The following FBXO38 variants were observed in gnomAD, a reference collection of about 807,000 sequenced individuals.
FBXO38 encodes F-box protein 38.
Under a neutral mutation model 131.9 loss-of-function variants are expected in FBXO38, and 53 were observed. The observed-to-expected ratio is 0.40, with a 90% CI of 0.32 to 0.51. FBXO38 has a LOEUF of 0.51. Among genes scored for constraint, FBXO38 ranks in the 20% least tolerant of loss-of-function variants. The pLI, the probability that FBXO38 is intolerant of heterozygous loss-of-function variation, is 0.53. For synonymous variants in FBXO38, 452 were observed against 505.6 expected (o/e 0.89, Z 1.42); for missense variants, 1,076 against 1,475.6 (o/e 0.73, Z 4.44).
Position 148,401,351 on chromosome 5 carries a change from T to C in FBXO38, c.263-631T>C, listed in dbSNP as rs112708573. ...GATAGATAGCTTCCTATCAACAGCA[T>C]ACCCTGAGATTGGATCACTCTGGTT... On this transcript the variant is annotated intron_variant, in intron 3 of 21. Transcript: ENST00000340253. Among the ~76,000 whole-genome samples the C allele has an allele frequency of 7.3e-3, 1,111 of 152,268 alleles. 16 individuals carry two copies. Among genetic ancestry groups the C allele is most frequent in the African/African-American group, 0.026 (1,065 of 41,542 alleles).
intron 17 of FBXO38, chr5:148,433,975 G>A (rs1754191102): frequency 3.5e-6 from 1 of 287,908 alleles, no homozygotes; most frequent in Non-Finnish European, 6.5e-6. Flanking sequence ...GATAATTACT[G>A]CCTGATCTGG....
chr5:148,418,889 TTTAA>T (rs752866484), intron 12 of FBXO38, among the ~76,000 whole-genome samples: 14 of 152,234 alleles, frequency 9.2e-5, no homozygotes, highest in Non-Finnish European at 2.1e-4. Flanking sequence ...ACATGTTTGA[TTTAA>T]TTTGTATCTG....
chr5:148,433,234 T>C, intron 15 of FBXO38, 190 bp from the exon 16 acceptor site: 1 of 533,310 alleles, frequency 1.9e-6, no homozygotes, highest in Non-Finnish European at 3.4e-6. Flanking sequence ...GTAGATATGT[T>C]TGAAGTAATG....
In FBXO38 at chr5:148,438,283, C is replaced by A. The variant is rs774738621; in HGVS notation, c.2858-49C>A. On this transcript the variant is annotated intron_variant, in intron 17 of 21. Transcript: ENST00000340253. Reference sequence around the variant, plus strand: ...TTTGTGCCAACAAAAATTAGGCCATCTCTCCAAAGATGATATGTACGGAGC... The same window carrying A: ...TTTGTGCCAACAAAAATTAGGCCATATCTCCAAAGATGATATGTACGGAGC... 5 of 1,553,868 alleles carry A rather than the reference C, an allele frequency of 3.2e-6. No homozygotes were observed. The South Asian group carries it at 5.9e-5, about 18-fold the overall frequency.
rs78970816 is a variant in FBXO38, at chr5:148,421,442, A to T, written c.1619-2556A>T. ...TACACTTTGGGGCAGGTAGTTGTCA[A>T]CCACTAAATATTATATCTGATAATA... On this transcript the variant is annotated intron_variant, in intron 12 of 21. Transcript: ENST00000340253. Among the ~76,000 whole-genome samples the T allele has an allele frequency of 5.6e-3, 854 of 152,324 alleles. 34 individuals carry two copies. The East Asian group carries it at 0.11, about 19-fold the overall frequency.
intron 15 of FBXO38, chr5:148,433,208 G>C (rs1326925896): frequency 1.5e-5 from 7 of 459,518 alleles, no homozygotes; most frequent in African/African-American, 1.4e-4. Flanking sequence ...GCATGAGAAG[G>C]GTTGTTATGT....
In FBXO38 at chr5:148,406,348, C is replaced by T; in HGVS notation, c.822C>T (p.Phe274=). Reference sequence around the variant, plus strand: ...ACTTAGAAATGGTTCGAGTTCCTTTCCTTGGAGGTCTTATCCAACATGTTG... The same window carrying T: ...ACTTAGAAATGGTTCGAGTTCCTTTTCTTGGAGGTCTTATCCAACATGTTG... ...LEHLEMVRVP[F]LGGLIQHVVE... Residue 274 remains phenylalanine, a synonymous_variant, in exon 7 of 22, where the codon TTC becomes TTT. Transcript: ENST00000340253. The T allele has an allele frequency of 1.9e-6, 3 of 1,607,458 alleles. No homozygotes were observed. The highest frequency in any genetic ancestry group is 2.2e-5 in the East Asian group (1 of 44,568).
chr5:148,409,221 T>C lies in FBXO38; in HGVS notation c.962+4T>C, dbSNP rs746189368. On this transcript the variant is annotated splice_donor_region_variant and intron_variant, in intron 8 of 21. Transcript: ENST00000340253. The stretch of plus-strand genomic sequence containing the variant: ...TCATCATTACTGCTGCCCGTAGGTA[T>C]GTTTCCTCTTTGTATTGTGTCTCTC... 2 of 1,566,276 alleles carry C rather than the reference T, an allele frequency of 1.3e-6. No homozygotes were observed. Among genetic ancestry groups the C allele is most frequent in the Admixed American group, 1.7e-5 (1 of 59,898 alleles).
At chr5:148,437,231 G>A in intron 17 of FBXO38, among the ~76,000 whole-genome samples, 1 of 152,252 alleles carries the variant, frequency 6.6e-6, no homozygotes, top group African/African-American at 2.4e-5. Context: ...AGCTTAGTCT[G>A]TAGGTAGTGG....
intron 19 of FBXO38, among the ~76,000 whole-genome samples, 177 bp downstream of exon 19, chr5:148,439,969 AG>A (rs1197326959): frequency 1.3e-5 from 2 of 152,258 alleles, no homozygotes; most frequent in African/African-American, 4.8e-5. Flanking sequence ...AAAACTAAAA[AG>A]CATGTGTATA....
At position 148,409,141 on chromosome 5, in the gene FBXO38, C is replaced by T. The variant is rs1219792124; in HGVS notation, c.886C>T (p.His296Tyr). 5 of 1,611,784 alleles carry T rather than the reference C, an allele frequency of 3.1e-6. No homozygotes were observed. Among genetic ancestry groups the T allele is most frequent in the Non-Finnish European group, 4.2e-6 (5 of 1,178,036 alleles). ...GTCTTTAGGTGGTTTTAGAAATTTG[C>T]ACACTATTGTTCTGGGAGCTTGCAA... ...SWRSGGFRNL[H>Y]TIVLGACKNA... Residue 296 changes from histidine to tyrosine, a missense_variant, in exon 8 of 22, where the codon CAC (histidine) becomes TAC (tyrosine). Coordinates refer to ENST00000340253, the MANE Select transcript of FBXO38 (RefSeq NM_205836.3).
At chr5:148,394,949 G>A (rs763247534) in intron 2 of FBXO38, 45 bp downstream of exon 2, 2 of 1,507,344 alleles carry the variant, frequency 1.3e-6, no homozygotes, top group South Asian at 1.3e-5. Context: ...ATGGATAAGA[G>A]CAAACCCTGA....
At chr5:148,409,070 A>G in intron 7 of FBXO38, 54 bp from the exon 8 acceptor site, 1 of 949,300 alleles carries the variant, frequency 1.1e-6, no homozygotes, top group East Asian at 2.4e-5. Context: ...TAGTATATAA[A>G]TACTTCACTA....
intron 11 of FBXO38, 55 bp downstream of exon 11, chr5:148,416,125 C>A: frequency 1.4e-6 from 2 of 1,413,880 alleles, no homozygotes; most frequent in Non-Finnish European, 9.4e-7. Flanking sequence ...AAAATAAAAA[C>A]AGCCTGTGAT....
intron 7 of FBXO38, among the ~76,000 whole-genome samples, chr5:148,407,293 G>A (rs530015023): frequency 6.6e-6 from 1 of 152,236 alleles, no homozygotes; most frequent in Non-Finnish European, 1.5e-5. Flanking sequence ...CCTGTAGAGA[G>A]GTGCTAAAAG....
intron 2 of FBXO38, among the ~76,000 whole-genome samples, chr5:148,395,829 T>C (rs1220592428): frequency 1.3e-5 from 2 of 152,112 alleles, no homozygotes; most frequent in Non-Finnish European, 2.9e-5. Context: ...ATGGTACTTA[T>C]CATTTCCCTT....
At chr5:148,409,879 T>C (rs1752651030) in intron 8 of FBXO38, among the ~76,000 whole-genome samples, 1 of 152,196 alleles carries the variant, frequency 6.6e-6, no homozygotes, top group Non-Finnish European at 1.5e-5. Context: ...TACAGAATTA[T>C]ACTCTTTGTT....
intron 12 of FBXO38, among the ~76,000 whole-genome samples, chr5:148,419,741 CTTAAAAACAAA>C (rs1295290885): frequency 6.6e-6 from 1 of 152,048 alleles, no homozygotes; most frequent in African/African-American, 2.4e-5. Context: ...GACCCGGAGT[CTTAAAAACAAA>C]TCTTTACATG....
At chr5:148,427,145 C>T (rs748587621) in intron 14 of FBXO38, 68 bp from the exon 15 acceptor site, 174 of 1,506,128 alleles carry the variant, frequency 1.2e-4, no homozygotes, top group Non-Finnish European at 1.4e-4. Context: ...TTTACTCTTG[C>T]GTTTTGTCCA....
Sources: gnomAD v4.1 joint callset for allele counts (sites outside exome capture counted in the v4.1 genomes callset) on GRCh38, gnomAD v4.1.1 for gene constraint, MANE v1.5 for transcripts, NCBI Gene and HGNC (gene_info 2026-07-23, HGNC 2026-07-21) for gene names.